RBFOX3: variants seen among roughly 807,000 people sequenced by gnomAD.
The protein encoded by RBFOX3 is RNA binding protein fox-1 homolog 3.
Under a neutral mutation model 48.7 loss-of-function variants are expected in RBFOX3, and 17 were observed. The observed-to-expected ratio is 0.35, with a 90% CI of 0.24 to 0.52. The LOEUF (loss-of-function observed/expected upper bound fraction) is 0.52, where lower values mean the gene tolerates loss of function less well. Among genes scored for constraint, RBFOX3 ranks in the 20% least tolerant of loss-of-function variants. The pLI is 0.94. For missense variants in RBFOX3, 382 were observed against 497.5 expected, an observed-to-expected ratio of 0.77 and a Z score of 2.21; for synonymous variants, 212 against 209.5, an observed-to-expected ratio of 1.01 and a Z score of -0.10.
intron 14 of RBFOX3, among the ~76,000 whole-genome samples, chr17:79,091,655 C>T (rs1453045973): frequency 6.6e-6 from 1 of 152,194 alleles, no homozygotes; most frequent in Non-Finnish European, 1.5e-5. Flanking sequence ...GTGCATTCTG[C>T]CCCTCATCAG....
intron 1 of RBFOX3, among the ~76,000 whole-genome samples, chr17:79,597,686 A>G (rs2093602569): frequency 6.6e-6 from 1 of 152,166 alleles, no homozygotes. Context: ...ACGGTCACCT[A>G]CTAAGTACCC....
At chr17:79,336,931 C>T (rs2081284290) in intron 2 of RBFOX3, among the ~76,000 whole-genome samples, 2 of 152,100 alleles carry the variant, frequency 1.3e-5, no homozygotes, top group African/African-American at 4.8e-5. Flanking sequence ...ACAACCCTGG[C>T]GAACATGGTG....
At chr17:79,188,043 GA>G (rs2053769574) in intron 4 of RBFOX3, among the ~76,000 whole-genome samples, 1 of 152,236 alleles carries the variant, frequency 6.6e-6, no homozygotes, top group Non-Finnish European at 1.5e-5. Context: ...AATCTCCCCA[GA>G]AGGGCAGAAA....
chr17:79,121,172 C>A (rs1007932652), intron 4 of RBFOX3, among the ~76,000 whole-genome samples: 1 of 152,140 alleles, frequency 6.6e-6, no homozygotes, highest in Admixed American at 6.5e-5. Flanking sequence ...TCCCTTCTGT[C>A]CCCAGGGATG....
At chr17:79,154,443 G>A (rs1008732623) in intron 4 of RBFOX3, among the ~76,000 whole-genome samples, 9 of 152,198 alleles carry the variant, frequency 5.9e-5, no homozygotes, top group Admixed American at 2.6e-4. Flanking sequence ...CACGATGCCC[G>A]GCACATAGCA....
intron 1 of RBFOX3, among the ~76,000 whole-genome samples, chr17:79,577,330 C>T (rs1224600903): frequency 2.0e-5 from 3 of 152,126 alleles, no homozygotes; most frequent in Non-Finnish European, 1.5e-5. Context: ...ATGAACGGGG[C>T]AAATGGCACC....
the RBFOX3 span, among the ~76,000 whole-genome samples, chr17:79,659,746 C>T: frequency 2.6e-5 from 4 of 152,162 alleles, no homozygotes; most frequent in Admixed American, 2.0e-4. Context: ...AGTATAGGCT[C>T]AATGAATAGT....
chr17:79,512,191 G>A (rs2084399226), intron 1 of RBFOX3, among the ~76,000 whole-genome samples: 1 of 138,404 alleles, frequency 7.2e-6, no homozygotes, highest in Non-Finnish European at 1.6e-5. Context: ...GTTACCATCG[G>A]ATATAGCCCC....
At chr17:79,447,644 C>T (rs2072604340) in intron 2 of RBFOX3, among the ~76,000 whole-genome samples, 1 of 152,250 alleles carries the variant, frequency 6.6e-6, no homozygotes, top group Non-Finnish European at 1.5e-5. Context: ...ACCATCCTCA[C>T]TCCCTTGCCT....
At chr17:79,119,344 C>T (rs550214029) in intron 4 of RBFOX3, among the ~76,000 whole-genome samples, 9 of 152,330 alleles carry the variant, frequency 5.9e-5, no homozygotes, top group South Asian at 2.1e-4. Context: ...CTTTTACAGA[C>T]GCTCACTCAT....
intron 2 of RBFOX3, among the ~76,000 whole-genome samples, chr17:79,346,662 A>T (rs1276023056): frequency 6.6e-6 from 1 of 152,242 alleles, no homozygotes; most frequent in East Asian, 1.9e-4. Flanking sequence ...GCTGTAGTCA[A>T]TATAGATCAA....
In RBFOX3 at chr17:79,101,450, C is replaced by A. The variant is rs985646179; in HGVS notation, c.568+134G>T. On this transcript the variant is annotated intron_variant, in intron 9 of 14. Transcript: ENST00000693108. ...CTTCTGACCGGGAGCAGAGCGGCAG[C>A]CCCAGGGCTGGGACACTGGGGACGG... The A allele has an allele frequency of 6.3e-6, 5 of 797,326 alleles. No individual in the cohort carries two copies. The African/African-American group carries it at 8.5e-5, about 14-fold the overall frequency. 49.4% of individuals were successfully genotyped at this position (797,326 alleles called of 1,614,324 possible).
intron 2 of RBFOX3, among the ~76,000 whole-genome samples, chr17:79,317,558 T>A (rs771161742): frequency 6.6e-6 from 1 of 152,246 alleles, no homozygotes; most frequent in East Asian, 1.9e-4. Context: ...GCAGCACCGA[T>A]GCCCGTGGCA....
chr17:79,536,564 T>C (rs1198423901), intron 1 of RBFOX3, among the ~76,000 whole-genome samples: 1 of 152,180 alleles, frequency 6.6e-6, no homozygotes, highest in Non-Finnish European at 1.5e-5. Context: ...CGGTGATCCA[T>C]TGCCCTGATG....
intron 14 of RBFOX3, 37 bp from the exon 15 acceptor site, chr17:79,090,922 T>A (rs2073751740): frequency 2.6e-6 from 4 of 1,510,402 alleles, no homozygotes; most frequent in Non-Finnish European, 3.5e-6. Flanking sequence ...TTGCAGCTTC[T>A]CGGGGGAGGC....
intron 2 of RBFOX3, among the ~76,000 whole-genome samples, chr17:79,441,756 G>A (rs187829929): frequency 8.5e-5 from 13 of 152,290 alleles, no homozygotes; most frequent in Admixed American, 2.6e-4. Context: ...GTGGAGCCCC[G>A]GCAGACCCCA....
chr17:79,096,624 A>ACCCCC, intron 12 of RBFOX3, 29 bp downstream of exon 12: 3 of 916,586 alleles, frequency 3.3e-6, no homozygotes, highest in South Asian at 2.8e-5. Context: ...GCCTGATCCC[A>ACCCCC]CCCTCCCTCC....
chr17:79,631,771 G>T, the RBFOX3 span, among the ~76,000 whole-genome samples: 1 of 152,168 alleles, frequency 6.6e-6, no homozygotes, highest in Non-Finnish European at 1.5e-5. Flanking sequence ...CCATCTTCAC[G>T]GGCCTAGCTC....
At chr17:79,193,579 A>C (rs2054958951) in intron 4 of RBFOX3, among the ~76,000 whole-genome samples, 1 of 152,146 alleles carries the variant, frequency 6.6e-6, no homozygotes, top group Non-Finnish European at 1.5e-5. Flanking sequence ...TACACTTTCT[A>C]AGAGAAGGAT....
Sources: allele counts gnomAD v4.1 joint callset (sites outside exome capture counted in the v4.1 genomes callset), GRCh38; gene constraint gnomAD v4.1.1; transcripts MANE v1.5; gene names NCBI Gene and HGNC (gene_info 2026-07-23, HGNC 2026-07-21).